The following GRIK4 variants were observed in gnomAD, a reference collection of about 807,000 sequenced individuals.
GRIK4 encodes glutamate ionotropic receptor kainate type subunit 4, also known as glutamate receptor ionotropic, kainate 4.
Under a neutral mutation model 104.9 loss-of-function variants are expected in GRIK4, and 40 were observed. The observed-to-expected ratio is 0.38, with a 90% CI of 0.30 to 0.50. The LOEUF is 0.50. Among genes scored for constraint, GRIK4 ranks in the 20% least tolerant of loss-of-function variants. The pLI, the probability that GRIK4 is intolerant of heterozygous loss-of-function variation, is 0.93. For missense variants in GRIK4, 1,047 were observed against 1,308.1 expected (o/e 0.80, Z 3.08); for synonymous variants, 485 against 524.9 (o/e 0.92, Z 1.04).
intron 1 of GRIK4, among the ~76,000 whole-genome samples, chr11:120,538,434 C>T (rs1168870966): frequency 6.6e-6 from 1 of 152,242 alleles, no homozygotes; most frequent in African/African-American, 2.4e-5. Flanking sequence ...GGCCTCCTCT[C>T]CCAGCACAGG....
chr11:120,883,735 C>A (rs1955035046), intron 11 of GRIK4, among the ~76,000 whole-genome samples: 1 of 152,246 alleles, frequency 6.6e-6, no homozygotes, highest in Non-Finnish European at 1.5e-5. Flanking sequence ...AAGCTGGGGG[C>A]TGCTTTTGGG....
chr11:120,895,368 G>A (rs1188265471), intron 11 of GRIK4, among the ~76,000 whole-genome samples: 1 of 152,132 alleles, frequency 6.6e-6, no homozygotes, highest in African/African-American at 2.4e-5. Context: ...TGCTCTTTCT[G>A]TTCTTTCTGC....
chr11:120,731,364 T>C (rs779981240), intron 3 of GRIK4, among the ~76,000 whole-genome samples: 2 of 152,188 alleles, frequency 1.3e-5, no homozygotes, highest in African/African-American at 2.4e-5. Context: ...TGATATAATG[T>C]CACGTTGCTT....
chr11:120,519,480 C>T (rs995572829), intron 1 of GRIK4, among the ~76,000 whole-genome samples: 1 of 152,236 alleles, frequency 6.6e-6, no homozygotes, highest in African/African-American at 2.4e-5. Context: ...CAAAAGCCCT[C>T]ACCCGACACT....
chr11:120,900,480 G>A (rs1034634467), intron 12 of GRIK4, among the ~76,000 whole-genome samples: 5 of 152,140 alleles, frequency 3.3e-5, no homozygotes, highest in African/African-American at 1.2e-4. Context: ...AAAAAGACAA[G>A]AATCCCTGCC....
intron 19 of GRIK4, among the ~76,000 whole-genome samples, chr11:120,974,555 A>G (rs932013345): frequency 1.3e-5 from 2 of 152,242 alleles, no homozygotes; most frequent in African/African-American, 4.8e-5. Context: ...AATTTCAAAG[A>G]AAAGGAACTG....
At chr11:120,857,633 G>T (rs1161118980) in intron 8 of GRIK4, among the ~76,000 whole-genome samples, 12 of 152,166 alleles carry the variant, frequency 7.9e-5, no homozygotes, top group Non-Finnish European at 5.9e-5. Flanking sequence ...ACAGTCAGTG[G>T]TTAGCACAGC....
Position 120,986,063 on chromosome 11 carries a change from C to A in GRIK4, c.2674C>A (p.Leu892Met). The part of the protein sequence containing the change: ...RGTATLSNGK[L>M]CGAGEPDQLA... Reference sequence around the variant, plus strand: ...CACGGCGACGCTCAGCAACGGGAAGCTGTGCGGGGCAGGGGAGCCCGACCA... The same window carrying A: ...CACGGCGACGCTCAGCAACGGGAAGATGTGCGGGGCAGGGGAGCCCGACCA... Residue 892 changes from leucine to methionine, a missense_variant, in exon 21 of 21, where the codon CTG becomes ATG. Physicochemically the swap from Leu to Met is conservative, Grantham distance 15 (BLOSUM62 2). Around this residue, in one of 3 missense-constraint regions of GRIK4, gnomAD observed 160 missense variants for 140.9 expected, o/e 1.14. Transcript: ENST00000527524. 6.6e-7 allele frequency: 1 copy of A among 1,519,192 alleles called. No individual in the cohort carries two copies. The highest frequency in any genetic ancestry group is 8.8e-7 in the Non-Finnish European group (1 of 1,137,098). 94.1% of individuals were successfully genotyped at this position (1,519,192 alleles called of 1,614,324 possible). A position where few individuals can be genotyped will look rare whatever the true frequency, so the allele number is the denominator to read the frequency against.
intron 3 of GRIK4, among the ~76,000 whole-genome samples, chr11:120,757,860 A>G (rs938469520): frequency 2.6e-5 from 4 of 152,146 alleles, no homozygotes; most frequent in Non-Finnish European, 5.9e-5. Context: ...GGAAAACATG[A>G]AGGGAACCTG....
chr11:120,517,223 C>T (rs1947739635), intron 1 of GRIK4, among the ~76,000 whole-genome samples: 1 of 149,140 alleles, frequency 6.7e-6, no homozygotes, highest in African/African-American at 2.5e-5. Context: ...GGTGTTAAGT[C>T]AATATTTGTC....
chr11:120,751,986 G>A (rs1257763591), intron 3 of GRIK4, among the ~76,000 whole-genome samples: 2 of 152,200 alleles, frequency 1.3e-5, no homozygotes, highest in Non-Finnish European at 2.9e-5. Flanking sequence ...CTTCCAAGGT[G>A]TGAGCTGGAG....
At chr11:120,778,611 A>G (rs571717602) in intron 3 of GRIK4, among the ~76,000 whole-genome samples, 30 of 152,316 alleles carry the variant, frequency 2.0e-4, no homozygotes, top group African/African-American at 6.3e-4. Context: ...CTCATTACCA[A>G]CAGATTCATG....
At position 120,794,695 on chromosome 11, in the gene GRIK4, C is replaced by T. The variant is rs369424985; in HGVS notation, c.83-7998C>T. On this transcript the variant is annotated intron_variant, in intron 3 of 20. Coordinates refer to ENST00000527524, the MANE Select transcript of GRIK4 (RefSeq NM_014619.5). Reference sequence around the variant, plus strand: ...CACCTTGATCTTAGACTTCCAGCCTCCAGAATTGTGAGAAAAGGAATTTTG... The same window carrying T: ...CACCTTGATCTTAGACTTCCAGCCTTCAGAATTGTGAGAAAAGGAATTTTG... 2.6e-5 allele frequency among the ~76,000 whole-genome samples: 4 copies of T among 152,226 alleles called. No individual in the cohort carries two copies. In the South Asian group the frequency reaches 8.3e-4, roughly 32 times the overall value.
At chr11:120,767,200 C>A (rs1249005182) in intron 3 of GRIK4, among the ~76,000 whole-genome samples, 1 of 152,058 alleles carries the variant, frequency 6.6e-6, no homozygotes, top group African/African-American at 2.4e-5. Context: ...TTCTTCACAC[C>A]CTTGCCAACA....
chr11:120,514,928 G>C (rs1048563894), intron 1 of GRIK4: 1 of 455,702 alleles, frequency 2.2e-6, no homozygotes, highest in Admixed American at 2.4e-5. Flanking sequence ...AAGCTTCCTT[G>C]TTGGGCCTCC....
At chr11:120,685,901 C>A (rs7105943) in intron 3 of GRIK4, among the ~76,000 whole-genome samples, 69,060 of 151,958 alleles carry the variant, frequency 0.45, 15,908 homozygotes, top group East Asian at 0.49. Context: ...TGTGCCCTCC[C>A]TGGAAGTAAA....
At position 120,905,699 on chromosome 11, in the gene GRIK4, G is replaced by A. The variant is rs566543164; in HGVS notation, c.1476+206G>A. Among the ~76,000 whole-genome samples the A allele has an allele frequency of 2.6e-4, 39 of 152,320 alleles. No individual in the cohort carries two copies. The highest frequency in any genetic ancestry group is 8.7e-4 in the African/African-American group (36 of 41,568). On this transcript the variant is annotated intron_variant, in intron 13 of 20. Transcript: ENST00000527524. The surrounding 1 kb of genome is among the most constrained non-coding windows in gnomAD (Gnocchi z 5.1). Reference sequence around the variant, plus strand: ...ATAAGCCTGCAATGATCCCTATCCCGTGGCTTTCCCAGTCCAGAGCCTGTG... The same window carrying A: ...ATAAGCCTGCAATGATCCCTATCCCATGGCTTTCCCAGTCCAGAGCCTGTG...
At position 120,802,753 on chromosome 11, in the gene GRIK4, C is replaced by A. The variant is rs1375746539; in HGVS notation, c.143C>A (p.Ala48Asp). 1 of 1,614,122 alleles carries A rather than the reference C, an allele frequency of 6.2e-7. No individual in the cohort carries two copies. The highest frequency in any genetic ancestry group is 8.5e-7 in the Non-Finnish European group (1 of 1,179,944). The change falls in exon 4 of 21, where the codon GCC becomes GAC. Residue 48 changes from alanine (A) to aspartate (D), a missense_variant. This residue lies in a region of GRIK4 where 447 missense variants were observed against 514.9 expected (regional missense o/e 0.87). Coordinates refer to ENST00000527524, the MANE Select transcript of GRIK4 (RefSeq NM_014619.5). ...GGGGAGCGGCTCTCCATCACCCTGG[C>A]CAAGAACCGCATCAACCGCGCTCCT... Reference protein sequence around the residue: ...SRGERLSITLAKNRINRAPER... With the variant: ...SRGERLSITLDKNRINRAPER...
rs934558411 is a variant in GRIK4, at chr11:120,537,678, G to T, written c.-159+25791G>T. Reference sequence around the variant, plus strand: ...TAGCGGGCGATCATGGTGCACTGTGGACGGGCACGCGCCTTCCTCCTCGCC... The same window carrying T: ...TAGCGGGCGATCATGGTGCACTGTGTACGGGCACGCGCCTTCCTCCTCGCC... On this transcript the variant is annotated intron_variant, in intron 1 of 20. Coordinates refer to ENST00000527524, the MANE Select transcript of GRIK4 (RefSeq NM_014619.5). Among the ~76,000 whole-genome samples the T allele has an allele frequency of 9.8e-5, 15 of 152,334 alleles. No homozygotes were observed. In the East Asian group the frequency reaches 1.7e-3, roughly 18 times the overall value.
Sources: allele counts gnomAD v4.1 joint callset (sites outside exome capture counted in the v4.1 genomes callset), GRCh38; gene constraint gnomAD v4.1.1; regional missense constraint gnomAD v4.1.1; non-coding constraint Gnocchi (gnomAD v3.1); transcripts MANE v1.5; gene names NCBI Gene and HGNC (gene_info 2026-07-23, HGNC 2026-07-21).